MCM9: variants seen among roughly 807,000 people sequenced by gnomAD.
MCM9 encodes minichromosome maintenance 9 homologous recombination repair factor.
In MCM9, 55 loss-of-function variants were observed where a neutral mutation model predicts 72.8. That is an observed-to-expected ratio of 0.76 (90% CI 0.61 to 0.95). MCM9 has a LOEUF of 0.95. MCM9 is among the 40% of genes least tolerant of loss of function. MCM9 has a pLI of 0.00. For missense variants in MCM9, 1,279 were observed against 1,377.0 expected, an observed-to-expected ratio of 0.93 and a Z score of 1.13; for synonymous variants, 480 against 503.4, an observed-to-expected ratio of 0.95 and a Z score of 0.62.
chr6:118,849,630 A>T (rs1338522237), intron 9 of MCM9, among the ~76,000 whole-genome samples: 1 of 151,836 alleles, frequency 6.6e-6, no homozygotes, highest in Non-Finnish European at 1.5e-5. Context: ...GAAATTATTC[A>T]CATCAAAAAG....
rs769858290 is a variant in MCM9, at chr6:118,922,046, T to C, written c.662A>G (p.Lys221Arg). Reference protein sequence around the residue: ...LSVGSIPRSMKVILEDDLVDS... With the variant: ...LSVGSIPRSMRVILEDDLVDS... ...CACTAAGTCATCTTCCAGAATAACC[T>C]TCATAGATCGTGGAATACTTCCAAC... Residue 221 changes from lysine (K) to arginine (R), a missense_variant, in exon 5 of 14, where the codon AAG (lysine) becomes AGG (arginine). Lys to Arg is a conservative substitution (Grantham distance 26, BLOSUM62 2). Transcript: ENST00000619706. The C allele has an allele frequency of 6.2e-7, 1 of 1,613,066 alleles. No homozygotes were observed. Among genetic ancestry groups the C allele is most frequent in the Non-Finnish European group, 8.5e-7 (1 of 1,179,522 alleles).
chr6:118,934,659 C>T (rs1782756345), intron 1 of MCM9: 2 of 152,134 alleles, frequency 1.3e-5, no homozygotes, highest in Non-Finnish European at 1.5e-5. Flanking sequence ...TGGAGTCGCT[C>T]GGTTTTGGAG....
intron 4 of MCM9, 116 bp downstream of exon 4, chr6:118,923,695 C>G (rs1422924452): frequency 1.1e-6 from 1 of 903,576 alleles, no homozygotes; most frequent in Non-Finnish European, 1.7e-6. Flanking sequence ...TGATCTTCCA[C>G]AAAGTGACAA....
chr6:118,855,962 A>G (rs1411071705), intron 9 of MCM9, among the ~76,000 whole-genome samples: 1 of 152,182 alleles, frequency 6.6e-6, no homozygotes, highest in Non-Finnish European at 1.5e-5. Flanking sequence ...TCAACCTTCC[A>G]TGAGGATTTA....
At position 118,816,100 on chromosome 6, in the gene MCM9, T is replaced by C. The variant is rs1773393073; in HGVS notation, c.2156A>G (p.His719Arg). The part of the protein sequence containing the change: ...EGSPVLDPPP[H>R]LEPNRSTSRK... Reference sequence around the variant, plus strand: ...ACTTGTTGATCTATTAGGCTCCAGATGCGGTGGGGGATCTAGAACTGGGCT... The same window carrying C: ...ACTTGTTGATCTATTAGGCTCCAGACGCGGTGGGGGATCTAGAACTGGGCT... Residue 719 changes from histidine (H) to arginine (R), a missense_variant, in exon 14 of 14, where the codon CAT (histidine) becomes CGT (arginine). Coordinates refer to ENST00000619706, the MANE Select transcript of MCM9 (RefSeq NM_017696.3). The C allele has an allele frequency of 6.5e-7, 1 of 1,550,338 alleles. No individual in the cohort carries two copies. The highest frequency in any genetic ancestry group is 8.7e-7 in the Non-Finnish European group (1 of 1,146,826).
At chr6:118,912,517 A>G (rs1279715556) in intron 7 of MCM9, 1 of 152,236 alleles carries the variant, frequency 6.6e-6, no homozygotes, top group African/African-American at 2.4e-5. Flanking sequence ...GGAAACCCCT[A>G]TTTAAGCTCA....
chr6:118,898,648 C>T (rs192054516), intron 8 of MCM9, among the ~76,000 whole-genome samples: 1 of 152,242 alleles, frequency 6.6e-6, no homozygotes, highest in Non-Finnish European at 1.5e-5. Context: ...GAACTCCTGA[C>T]CTCAAGCCAT....
In MCM9 at chr6:118,815,403, A is replaced by ATGAAC. The variant is rs1562395530; in HGVS notation, c.2848_2852dup (p.His951GlnfsTer20). The ATGAAC allele has an allele frequency of 6.4e-7, 1 of 1,550,400 alleles. No individual in the cohort carries two copies. Among genetic ancestry groups the ATGAAC allele is most frequent in the Admixed American group, 2.0e-5 (1 of 50,974 alleles). On this transcript the variant is annotated frameshift_variant, in exon 14 of 14. Transcript: ENST00000619706. LOFTEE classifies it low-confidence loss of function (END_TRUNC). Reference sequence around the variant, plus strand: ...TTCTACGCTGGGAAATTTTAGGACTATGAACTGCTATTTTAGTTGCACCAG... The same window carrying ATGAAC: ...TTCTACGCTGGGAAATTTTAGGACTATGAACTGAACTGCTATTTTAGTTGCACCAG...
intron 8 of MCM9, among the ~76,000 whole-genome samples, chr6:118,893,518 A>C (rs1244379472): frequency 1.3e-5 from 2 of 152,172 alleles, no homozygotes; most frequent in Non-Finnish European, 2.9e-5. Flanking sequence ...AAGGTTACCT[A>C]TTTAAATTTT....
At chr6:118,863,170 C>T (rs527744044) in intron 8 of MCM9, among the ~76,000 whole-genome samples, 7 of 152,082 alleles carry the variant, frequency 4.6e-5, no homozygotes, top group African/African-American at 1.7e-4. Context: ...ATTGTATATG[C>T]ATAGGTATAT....
intron 8 of MCM9, among the ~76,000 whole-genome samples, chr6:118,865,882 A>C (rs1777185811): frequency 6.6e-6 from 1 of 152,200 alleles, no homozygotes; most frequent in African/African-American, 2.4e-5. Context: ...ATGGGCCCAC[A>C]TCCAGCAGCT....
Position 118,856,543 on chromosome 6 carries a change from G to A in MCM9, c.1153C>T (p.Leu385=), listed in dbSNP as rs1161277049. 7.8e-6 allele frequency: 12 copies of A among 1,535,154 alleles called. No homozygotes were observed. Among genetic ancestry groups the A allele is most frequent in the Non-Finnish European group, 7.0e-6 (8 of 1,146,794 alleles). ...GAGTCTTTTACAGCAGTTACCGTCA[G>A]ACCTGAGGAAACAAGCAAGCCATAT... ...TTGIGSTSAG[L]TVTAVKDSGE... Residue 385 remains leucine, a splice_region_variant and synonymous_variant, in exon 9 of 14, where the codon CTG becomes TTG. Transcript: ENST00000619706.
intron 8 of MCM9, among the ~76,000 whole-genome samples, chr6:118,894,718 C>T (rs1397678842): frequency 6.6e-6 from 1 of 152,224 alleles, no homozygotes; most frequent in Non-Finnish European, 1.5e-5. Flanking sequence ...AGGCGCCTGC[C>T]GGGCTCAACT....
At chr6:118,832,032 C>T (rs1774596681) in intron 9 of MCM9, among the ~76,000 whole-genome samples, 1 of 152,108 alleles carries the variant, frequency 6.6e-6, no homozygotes, top group Non-Finnish European at 1.5e-5. Flanking sequence ...GCCGATTCTG[C>T]CTGGGATTTT....
At chr6:118,882,299 G>A (rs1778339732) in intron 8 of MCM9, among the ~76,000 whole-genome samples, 1 of 152,188 alleles carries the variant, frequency 6.6e-6, no homozygotes, top group South Asian at 2.1e-4. Flanking sequence ...ACAGGGAAAG[G>A]AAAATCTGAA....
chr6:118,921,926 G>T, intron 5 of MCM9, 79 bp downstream of exon 5: 1 of 1,068,934 alleles, frequency 9.4e-7, no homozygotes, highest in Non-Finnish European at 1.4e-6. Flanking sequence ...AGTGATCTTG[G>T]GAAAATAAAA....
In MCM9 at chr6:118,815,084, A is replaced by G. The variant is rs1038742188; in HGVS notation, c.3172T>C (p.Leu1058=). ...GKVHACTLAR[L]ANFCFTPPSE... ...GGGGGAGTAAAGCAGAAGTTTGCCA[A>G]TCTGGCTAATGTGCAGGCATGAACC... is the stretch of plus-strand genomic sequence containing the variant. The change falls in exon 14 of 14, where the codon TTG becomes CTG. Residue 1058 remains leucine (L), a synonymous_variant. Coordinates refer to ENST00000619706, the MANE Select transcript of MCM9 (RefSeq NM_017696.3). 48 of 1,550,656 alleles carry G rather than the reference A, an allele frequency of 3.1e-5. No homozygotes were observed. The highest frequency in any genetic ancestry group is 1.8e-4 in the African/African-American group (13 of 72,976).
At chr6:118,933,994 C>G (rs555107424) in intron 1 of MCM9, among the ~76,000 whole-genome samples, 2 of 133,264 alleles carry the variant, frequency 1.5e-5, no homozygotes, top group African/African-American at 5.8e-5. Context: ...TCTGGACTCC[C>G]AACAGTGGCT....
rs546926692 is a variant in MCM9, at chr6:118,886,364, G to C, written c.1150+25286C>G. On this transcript the variant is annotated intron_variant, in intron 8 of 13. Transcript: ENST00000619706. ...GCCAAAAAGAAAAAAGAGAGAGAGA[G>C]AGAGAAAGAAAAAGAAACAATAGGC... Among the ~76,000 whole-genome samples, 114 of 151,262 alleles carry C rather than the reference G, an allele frequency of 7.5e-4. 5 individuals carry two copies. The South Asian group carries it at 0.023, about 30-fold the overall frequency.
Sources: gnomAD v4.1 joint callset for allele counts (sites outside exome capture counted in the v4.1 genomes callset) on GRCh38, gnomAD v4.1.1 for gene constraint, MANE v1.5 for transcripts, NCBI Gene and HGNC (gene_info 2026-07-23, HGNC 2026-07-21) for gene names.